PHIP: variants seen among roughly 807,000 people sequenced by gnomAD.
The protein encoded by PHIP is PH-interacting protein.
PHIP carries 54 observed loss-of-function variants against 236.8 expected under a neutral mutation model. That is an observed-to-expected ratio of 0.23 (90% CI 0.18 to 0.29). The LOEUF (loss-of-function observed/expected upper bound fraction) is 0.29. Among genes scored for constraint, PHIP ranks in the 10% least tolerant of loss-of-function variants. The pLI is 1.00. For synonymous variants in PHIP, 756 were observed against 718.9 expected (o/e 1.05, Z -0.83); for missense variants, 1,370 against 2,190.8 (o/e 0.63, Z 7.48).
intron 6 of PHIP, among the ~76,000 whole-genome samples, chr6:79,043,937 T>G (rs1201351280): frequency 6.6e-6 from 1 of 151,756 alleles, no homozygotes; most frequent in African/African-American, 2.4e-5. Flanking sequence ...TACAAAATAC[T>G]ACTTAGCCAA....
intron 20 of PHIP, among the ~76,000 whole-genome samples, chr6:78,990,349 T>C (rs1769149819): frequency 6.6e-6 from 1 of 152,188 alleles, no homozygotes; most frequent in Non-Finnish European, 1.5e-5. Flanking sequence ...CCATGACCAA[T>C]TGAAATCTAC....
intron 9 of PHIP, among the ~76,000 whole-genome samples, chr6:79,019,433 CACTT>C (rs1770997442): frequency 6.6e-6 from 1 of 152,058 alleles, no homozygotes. Context: ...TTACTAGTTA[CACTT>C]ACTTCTAATC....
chr6:78,946,573 C>T (rs1773830646), intron 37 of PHIP, 138 bp downstream of exon 37: 3 of 1,397,520 alleles, frequency 2.1e-6, no homozygotes, highest in South Asian at 1.7e-5. Flanking sequence ...TAAAAATCCT[C>T]CACATCATAG....
intron 15 of PHIP, among the ~76,000 whole-genome samples, chr6:79,005,280 CTACTT>C (rs1353718900): frequency 2.6e-5 from 4 of 151,810 alleles, no homozygotes; most frequent in Non-Finnish European, 4.4e-5. Context: ...GATTCCAAGT[CTACTT>C]TAAAACAATT....
chr6:78,964,602 C>T (rs1490729125), intron 29 of PHIP, among the ~76,000 whole-genome samples: 5 of 152,128 alleles, frequency 3.3e-5, no homozygotes, highest in Non-Finnish European at 7.3e-5. Context: ...AAGTAATTTT[C>T]CTGCCTCAAC....
chr6:78,960,123 T>C (rs911837688), intron 31 of PHIP, among the ~76,000 whole-genome samples: 4 of 152,122 alleles, frequency 2.6e-5, no homozygotes, highest in African/African-American at 4.8e-5. Context: ...AATTCAAAAT[T>C]TGAAGTATGG....
intron 35 of PHIP, among the ~76,000 whole-genome samples, chr6:78,948,350 AAT>A (rs1207541761): frequency 6.6e-6 from 1 of 152,182 alleles, no homozygotes; most frequent in African/African-American, 2.4e-5. Context: ...CTACCTAGTC[AAT>A]AGAGTATAAA....
At chr6:78,965,058 A>G (rs1293016964) in intron 29 of PHIP, among the ~76,000 whole-genome samples, 2 of 152,178 alleles carry the variant, frequency 1.3e-5, no homozygotes, top group Admixed American at 6.5e-5. Flanking sequence ...CTCACTGCCT[A>G]AGGCTAATTA....
intron 4 of PHIP, among the ~76,000 whole-genome samples, chr6:79,063,087 A>G (rs149526083): frequency 7.9e-5 from 12 of 152,180 alleles, no homozygotes; most frequent in African/African-American, 2.7e-4. Flanking sequence ...CCCTGCAAAA[A>G]TACACAAGCC....
chr6:79,025,390 A>G (rs2127748032), intron 9 of PHIP, 129 bp downstream of exon 9: 1 of 588,854 alleles, frequency 1.7e-6, no homozygotes, highest in East Asian at 2.9e-5. Context: ...TAAAGAGCCA[A>G]AAGAGGATTT....
At chr6:78,945,659 A>G in intron 38 of PHIP, 162 bp from the exon 39 acceptor site, 1 of 635,178 alleles carries the variant, frequency 1.6e-6, no homozygotes, top group Non-Finnish European at 2.8e-6. Flanking sequence ...GGCGTATCCA[A>G]CTAGAAACTC....
chr6:79,063,665 C>T (rs576940206), intron 4 of PHIP, among the ~76,000 whole-genome samples: 1 of 152,128 alleles, frequency 6.6e-6, no homozygotes. Context: ...AATTCGCCCC[C>T]TAGGCCTCCC....
intron 15 of PHIP, among the ~76,000 whole-genome samples, chr6:79,014,524 G>A (rs1770745221): frequency 6.6e-6 from 1 of 151,766 alleles, no homozygotes; most frequent in African/African-American, 2.4e-5. Flanking sequence ...TGCTCGGTAA[G>A]TTGTATGTGA....
chr6:78,977,587 G>GACCTTCAAGCACCTTCAAGC (rs70977756), intron 24 of PHIP, among the ~76,000 whole-genome samples: 80 of 151,598 alleles, frequency 5.3e-4, no homozygotes, highest in Non-Finnish European at 9.9e-4. Flanking sequence ...GAATAATGAA[G>GACCTTCAAGCACCTTCAAGC]ACCTTCAAGC....
At chr6:78,958,453 T>C in intron 32 of PHIP, 22 bp downstream of exon 32, 1 of 1,331,976 alleles carries the variant, frequency 7.5e-7, no homozygotes, top group Non-Finnish European at 1.1e-6. Context: ...CTATCATAAT[T>C]ACATATGAAA....
chr6:78,958,475 T>C lies in PHIP; in HGVS notation c.3782A>G (p.Lys1261Arg). 2.0e-6 allele frequency: 3 copies of C among 1,488,302 alleles called. No individual in the cohort carries two copies. Among genetic ancestry groups the C allele is most frequent in the Non-Finnish European group, 2.8e-6 (3 of 1,069,466 alleles). The allele number at this position is 1,488,302 out of a possible 1,614,324, so 92.2% of individuals were successfully genotyped here. ...FVTDLLLHFI[K>R]DQTCYNIIPL... Reference sequence around the variant, plus strand: ...AATTACATATGAAAAGATAACTTACTTTATAAAATGTAGAAGAAGATCAGT... The same window carrying C: ...AATTACATATGAAAAGATAACTTACCTTATAAAATGTAGAAGAAGATCAGT... The change falls in exon 32 of 40, where the codon AAG (lysine) becomes AGG (arginine). Residue 1261 changes from lysine to arginine, a missense_variant and splice_region_variant. Physicochemically the swap from Lys to Arg is conservative, Grantham distance 26. Coordinates refer to ENST00000275034, the MANE Select transcript of PHIP (RefSeq NM_017934.7).
rs771438880 is a variant in PHIP, at chr6:79,017,496, A to C, written c.1082T>G (p.Leu361Trp). 1 of 1,609,386 alleles carries C rather than the reference A, an allele frequency of 6.2e-7. No individual in the cohort carries two copies. Among genetic ancestry groups the C allele is most frequent in the South Asian group, 1.1e-5 (1 of 90,916 alleles). ...ACCAATACTTACAGTATGAAACTCC[A>C]ATTCTGATATTTTCTCTGGCTGACC... ...GSGQPEKISE[L>W]EFHTDKVDSI... The change falls in exon 11 of 40, where the codon TTG (leucine) becomes TGG (tryptophan). Residue 361 changes from leucine (L) to tryptophan (W), a missense_variant. Coordinates refer to ENST00000275034, the MANE Select transcript of PHIP (RefSeq NM_017934.7).
intron 21 of PHIP, among the ~76,000 whole-genome samples, chr6:78,987,810 A>C (rs914426172): frequency 2.0e-5 from 3 of 152,164 alleles, no homozygotes; most frequent in African/African-American, 4.8e-5. Flanking sequence ...ACTAACAAAA[A>C]TTGTCAAATA....
chr6:79,074,413 A>C (rs1582329537), intron 4 of PHIP, among the ~76,000 whole-genome samples: 1 of 152,078 alleles, frequency 6.6e-6, no homozygotes, highest in East Asian at 1.9e-4. Context: ...AACTAGATTC[A>C]CTATTCAAAC....
Sources: allele counts gnomAD v4.1 joint callset (sites outside exome capture counted in the v4.1 genomes callset), GRCh38; gene constraint gnomAD v4.1.1; transcripts MANE v1.5; gene names NCBI Gene and HGNC (gene_info 2026-07-23, HGNC 2026-07-21).